NOL4: variants seen among roughly 807,000 people sequenced by gnomAD.
NOL4 encodes nucleolar protein 4, also known as cancer/testis antigen 125.
NOL4 carries 17 observed loss-of-function variants against 75.9 expected under a neutral mutation model. The observed-to-expected ratio is 0.22, with a 90% CI of 0.15 to 0.34. The LOEUF (loss-of-function observed/expected upper bound fraction) is 0.34. Among genes scored for constraint, NOL4 ranks in the 10% least tolerant of loss-of-function variants. The probability of loss-of-function intolerance (pLI) is 1.00; values close to 1 mark genes in which losing one functional copy is unlikely to be tolerated. For missense variants in NOL4, 614 were observed against 793.5 expected (o/e 0.77, Z 2.72); for synonymous variants, 292 against 289.9 (o/e 1.01, Z -0.07).
intron 1 of NOL4, among the ~76,000 whole-genome samples, chr18:34,161,017 T>C (rs1221453460): frequency 6.6e-6 from 1 of 152,212 alleles, no homozygotes; most frequent in Admixed American, 6.5e-5. Context: ...TTCTATTCTC[T>C]ACTTCTATGA....
chr18:34,067,517 A>G (rs548066714), intron 5 of NOL4, among the ~76,000 whole-genome samples: 1 of 152,322 alleles, frequency 6.6e-6, no homozygotes, highest in South Asian at 2.1e-4. Context: ...GGCTACTTTA[A>G]TAAACCAGGC....
chr18:34,161,121 C>G (rs533646063), intron 1 of NOL4, among the ~76,000 whole-genome samples: 2 of 152,252 alleles, frequency 1.3e-5, no homozygotes, highest in African/African-American at 4.8e-5. Flanking sequence ...CCTTCGGGCT[C>G]AGCAATGTTG....
At position 34,077,607 on chromosome 18, in the gene NOL4, A is replaced by C. The variant is rs555547870; in HGVS notation, c.772+15858T>G. The stretch of plus-strand genomic sequence containing the variant: ...TTAAACACAACATGCAAGGACAACA[A>C]AACAAACTAAAACCTACCAAAGATC... On this transcript the variant is annotated intron_variant, in intron 5 of 10. Coordinates refer to ENST00000261592, the MANE Select transcript of NOL4 (RefSeq NM_003787.5). 2.6e-3 allele frequency among the ~76,000 whole-genome samples: 389 copies of C among 152,292 alleles called. 2 individuals are homozygous for C. The highest frequency in any genetic ancestry group is 8.9e-3 in the African/African-American group (371 of 41,562).
intron 2 of NOL4, among the ~76,000 whole-genome samples, chr18:34,127,434 T>A (rs191465424): frequency 7.9e-5 from 12 of 152,002 alleles, no homozygotes; most frequent in African/African-American, 2.6e-4. Context: ...TCAATAAACA[T>A]AATCATCATG....
chr18:34,027,048 T>G (rs574277027), intron 5 of NOL4, among the ~76,000 whole-genome samples: 10 of 152,316 alleles, frequency 6.6e-5, no homozygotes, highest in African/African-American at 1.9e-4. Context: ...ATGGCAACAC[T>G]AGCACTTAAT....
chr18:34,028,618 T>C (rs751919586), intron 5 of NOL4, among the ~76,000 whole-genome samples: 2 of 152,166 alleles, frequency 1.3e-5, no homozygotes, highest in Admixed American at 6.5e-5. Flanking sequence ...GGATTTCATC[T>C]CTTGGAATTT....
At chr18:33,970,126 A>C (rs557130016) in intron 6 of NOL4, among the ~76,000 whole-genome samples, 1 of 152,288 alleles carries the variant, frequency 6.6e-6, no homozygotes, top group African/African-American at 2.4e-5. Context: ...ACACACTTTG[A>C]GTTCTTAGTG....
At chr18:33,941,454 C>A (rs1356247202) in intron 9 of NOL4, among the ~76,000 whole-genome samples, 2 of 151,932 alleles carry the variant, frequency 1.3e-5, no homozygotes, top group African/African-American at 4.8e-5. Flanking sequence ...GAACTAGCAT[C>A]TGTTCTCAAA....
chr18:34,120,953 C>T (rs1225671292), intron 2 of NOL4, among the ~76,000 whole-genome samples: 1 of 152,070 alleles, frequency 6.6e-6, no homozygotes, highest in African/African-American at 2.4e-5. Flanking sequence ...AATTAATTTT[C>T]AAAGCACTGA....
chr18:33,979,241 AC>A (rs992449084), intron 6 of NOL4, among the ~76,000 whole-genome samples: 1 of 151,792 alleles, frequency 6.6e-6, no homozygotes. Context: ...AAACAAAGTC[AC>A]CCCCCATTCC....
At chr18:34,198,062 A>C (rs2146457873) in intron 1 of NOL4, among the ~76,000 whole-genome samples, 1 of 152,108 alleles carries the variant, frequency 6.6e-6, no homozygotes, top group South Asian at 2.1e-4. Flanking sequence ...AAACCTAGTC[A>C]TGTCACAGTG....
chr18:33,958,464 G>A (rs1170794465), intron 6 of NOL4, 46 bp from the exon 7 acceptor site: 5 of 1,481,236 alleles, frequency 3.4e-6, no homozygotes. Flanking sequence ...CATTGCACAA[G>A]CTTATAAGTT....
chr18:33,950,289 G>GA (rs978530766), intron 8 of NOL4, among the ~76,000 whole-genome samples: 25 of 148,388 alleles, frequency 1.7e-4, no homozygotes, highest in East Asian at 3.9e-4. Context: ...TTTCTTTTGT[G>GA]AAAAAAAAAC....
At chr18:33,877,963 G>A (rs2064030652) in intron 10 of NOL4, among the ~76,000 whole-genome samples, 1 of 151,942 alleles carries the variant, frequency 6.6e-6, no homozygotes, top group African/African-American at 2.4e-5. Flanking sequence ...AATGAATGAG[G>A]AGAGAGTGGG....
At chr18:34,079,348 AT>A (rs1449921470) in intron 5 of NOL4, among the ~76,000 whole-genome samples, 2 of 151,792 alleles carry the variant, frequency 1.3e-5, no homozygotes, top group Non-Finnish European at 2.9e-5. Context: ...TGTGTCCTGA[AT>A]CTCCAGTTAA....
intron 8 of NOL4, among the ~76,000 whole-genome samples, chr18:33,952,204 C>T (rs957889111): frequency 6.6e-6 from 1 of 152,080 alleles, no homozygotes; most frequent in African/African-American, 2.4e-5. Context: ...CAGGTCAACA[C>T]CTTGCTTAAA....
intron 1 of NOL4, among the ~76,000 whole-genome samples, chr18:34,195,557 G>A (rs553170534): frequency 1.9e-4 from 28 of 149,868 alleles, no homozygotes; most frequent in African/African-American, 6.6e-4. Flanking sequence ...TTGATAGATT[G>A]TTACCTTTTC....
intron 10 of NOL4, among the ~76,000 whole-genome samples, chr18:33,862,932 A>G (rs949683098): frequency 6.6e-6 from 1 of 152,198 alleles, no homozygotes; most frequent in African/African-American, 2.4e-5. Flanking sequence ...AATATACCCA[A>G]AGGACGATAA....
At chr18:34,043,737 AG>A (rs1478917725) in intron 5 of NOL4, among the ~76,000 whole-genome samples, 1 of 152,216 alleles carries the variant, frequency 6.6e-6, no homozygotes, top group Non-Finnish European at 1.5e-5. Context: ...GCACAGTGTA[AG>A]GGTTAAGGGA....
Sources: gnomAD v4.1 joint callset for allele counts (sites outside exome capture counted in the v4.1 genomes callset) on GRCh38, gnomAD v4.1.1 for gene constraint, MANE v1.5 for transcripts, NCBI Gene and HGNC (gene_info 2026-07-23, HGNC 2026-07-21) for gene names.